The following KCNH5 variants were observed in gnomAD, a reference collection of about 807,000 sequenced individuals.
KCNH5 encodes the protein potassium voltage-gated channel subfamily H member 5.
A neutral mutation model predicts 96.1 loss-of-function variants in KCNH5; 46 were observed. The ratio of observed to expected loss-of-function variants is 0.48; its 90% CI spans 0.38 to 0.61. The LOEUF (loss-of-function observed/expected upper bound fraction) is 0.61. Among genes scored for constraint, KCNH5 ranks in the 20% least tolerant of loss-of-function variants. The probability of loss-of-function intolerance (pLI) is 0.00; values close to 1 mark genes in which losing one functional copy is unlikely to be tolerated. For synonymous variants in KCNH5, 439 were observed against 449.8 expected, an observed-to-expected ratio of 0.98 and a Z score of 0.30; for missense variants, 907 against 1,225.8, an observed-to-expected ratio of 0.74 and a Z score of 3.88.
rs564081069 is a variant in KCNH5, at chr14:62,856,164, G to C, written c.1370-6312C>G. Among the ~76,000 whole-genome samples the C allele has an allele frequency of 2.6e-5, 4 of 152,148 alleles. No homozygotes were observed. In the South Asian group the frequency reaches 8.3e-4, roughly 32 times the overall value. ...TGTTAAGCTAATTAACTGTAACCTG[G>C]CCTTCACTCTTATAAATTGCTCATG... On this transcript the variant is annotated intron_variant, in intron 7 of 10. Transcript: ENST00000322893.
intron 4 of KCNH5, among the ~76,000 whole-genome samples, chr14:62,992,297 G>C (rs1890824371): frequency 6.6e-6 from 1 of 151,978 alleles, no homozygotes; most frequent in Non-Finnish European, 1.5e-5. Context: ...TATGAGTGCA[G>C]GTATCTTTTT....
intron 8 of KCNH5, among the ~76,000 whole-genome samples, chr14:62,817,870 C>T (rs1887024783): frequency 8.0e-6 from 1 of 124,972 alleles, no homozygotes; most frequent in Admixed American, 8.7e-5. Flanking sequence ...CATACATATA[C>T]ATATAATAGC....
intron 1 of KCNH5, among the ~76,000 whole-genome samples, chr14:63,036,562 G>A (rs1891725799): frequency 6.6e-6 from 1 of 151,918 alleles, no homozygotes; most frequent in African/African-American, 2.4e-5. Flanking sequence ...CCTACACTGA[G>A]TTTTAGATGA....
At chr14:62,768,152 A>G (rs567273204) in intron 10 of KCNH5, among the ~76,000 whole-genome samples, 12 of 152,272 alleles carry the variant, frequency 7.9e-5, no homozygotes, top group African/African-American at 2.9e-4. Flanking sequence ...CCCAGACTTT[A>G]CCACTAAGCC....
rs183496080 is a variant in KCNH5 at position 63,031,668 on chromosome 14, T to C, written c.73+13446A>G. On this transcript the variant is annotated intron_variant, in intron 1 of 10. Coordinates refer to ENST00000322893, the MANE Select transcript of KCNH5 (RefSeq NM_139318.5). ...AGGATAAATAAGTCTAGGGATCTAA[T>C]GCACAACATGAGGACTACAGTTACT... Among the ~76,000 whole-genome samples, 559 of 152,304 alleles carry C rather than the reference T, an allele frequency of 3.7e-3. 7 individuals are homozygous for C. Among genetic ancestry groups the C allele is most frequent in the Non-Finnish European group, 6.0e-3 (407 of 68,026 alleles).
At chr14:63,033,581 C>T (rs751977746) in intron 1 of KCNH5, among the ~76,000 whole-genome samples, 3 of 152,158 alleles carry the variant, frequency 2.0e-5, no homozygotes, top group African/African-American at 4.8e-5. Context: ...GCTTGGTGAA[C>T]GCCTGCCTCC....
chr14:62,809,870 G>T (rs552368140), intron 8 of KCNH5, among the ~76,000 whole-genome samples: 1 of 152,014 alleles, frequency 6.6e-6, no homozygotes, highest in Non-Finnish European at 1.5e-5. Context: ...GCTCATTCCT[G>T]TGAACCAACC....
At chr14:62,861,146 G>C (rs1053359711) in intron 7 of KCNH5, among the ~76,000 whole-genome samples, 1 of 152,206 alleles carries the variant, frequency 6.6e-6, no homozygotes, top group African/African-American at 2.4e-5. Context: ...AGCTGGACAA[G>C]GGTCAACACC....
intron 7 of KCNH5, among the ~76,000 whole-genome samples, chr14:62,873,322 A>G (rs769448241): frequency 1.3e-5 from 2 of 152,224 alleles, no homozygotes; most frequent in African/African-American, 4.8e-5. Flanking sequence ...AAAATAGAGG[A>G]TACATGAAGG....
At chr14:63,035,269 T>A (rs1207616006) in intron 1 of KCNH5, among the ~76,000 whole-genome samples, 2 of 152,234 alleles carry the variant, frequency 1.3e-5, no homozygotes, top group African/African-American at 4.8e-5. Context: ...AGTTACCCTT[T>A]AATGGCAATT....
At chr14:62,926,817 A>G (rs560948568) in intron 7 of KCNH5, among the ~76,000 whole-genome samples, 1 of 152,200 alleles carries the variant, frequency 6.6e-6, no homozygotes, top group South Asian at 2.1e-4. Context: ...TTGGGATTTA[A>G]CACATGAAAT....
intron 7 of KCNH5, among the ~76,000 whole-genome samples, chr14:62,924,608 A>G (rs1020520726): frequency 1.3e-4 from 19 of 151,994 alleles, no homozygotes; most frequent in African/African-American, 4.3e-4. Context: ...GAAAATGTCT[A>G]TATATTTTTA....
At chr14:62,876,786 A>G (rs1888382453) in intron 7 of KCNH5, among the ~76,000 whole-genome samples, 1 of 152,214 alleles carries the variant, frequency 6.6e-6, no homozygotes. Context: ...TGTTTGGTCA[A>G]TTGATTTTGC....
rs1443890145 is a variant in KCNH5, at chr14:62,814,806, A to G, written c.1570-12225T>C. 2.7e-5 allele frequency among the ~76,000 whole-genome samples: 4 copies of G among 148,132 alleles called. No individual in the cohort carries two copies. In the East Asian group the frequency reaches 7.8e-4, roughly 29 times the overall value. ...TCAAAAAAAAAAAAAAAAAAAAAAA[A>G]AAAAAGAATGAGTCACTTCATACGA... On this transcript the variant is annotated intron_variant, in intron 8 of 10. Transcript: ENST00000322893.
chr14:62,744,189 G>C (rs28491761), intron 10 of KCNH5, among the ~76,000 whole-genome samples: 2 of 151,994 alleles, frequency 1.3e-5, no homozygotes, highest in South Asian at 2.1e-4. Flanking sequence ...TTATATATAA[G>C]AGAAAAATTA....
At chr14:62,800,186 C>T (rs911391330) in intron 9 of KCNH5, among the ~76,000 whole-genome samples, 3 of 151,832 alleles carry the variant, frequency 2.0e-5, no homozygotes, top group East Asian at 1.9e-4. Flanking sequence ...GAGAGTTGTC[C>T]GTATAATTTG....
chr14:63,020,017 A>G (rs1479745296), intron 1 of KCNH5, among the ~76,000 whole-genome samples: 1 of 152,152 alleles, frequency 6.6e-6, no homozygotes, highest in Non-Finnish European at 1.5e-5. Flanking sequence ...AAGTAACTTA[A>G]ACAGACATTT....
chr14:62,802,807 T>C (rs1205428894), intron 8 of KCNH5, among the ~76,000 whole-genome samples: 1 of 152,118 alleles, frequency 6.6e-6, no homozygotes, highest in Admixed American at 6.6e-5. Flanking sequence ...AATGCAGAAC[T>C]ATGTAGTAAA....
chr14:62,925,873 C>T lies in KCNH5; in HGVS notation c.1369+24260G>A, dbSNP rs533695877. Among the ~76,000 whole-genome samples, 7 of 152,132 alleles carry T rather than the reference C, an allele frequency of 4.6e-5. No homozygotes were observed. In the South Asian group the frequency reaches 6.2e-4, roughly 14 times the overall value. The stretch of plus-strand genomic sequence containing the variant: ...AAATTAAAGAAGAAAGAAATTCCCA[C>T]ATTAAGAAAAACACGACTTGGAAAA... On this transcript the variant is annotated intron_variant, in intron 7 of 10. Coordinates refer to ENST00000322893, the MANE Select transcript of KCNH5 (RefSeq NM_139318.5).
Sources: gnomAD v4.1 joint callset for allele counts (sites outside exome capture counted in the v4.1 genomes callset) on GRCh38, gnomAD v4.1.1 for gene constraint, MANE v1.5 for transcripts, NCBI Gene and HGNC (gene_info 2026-07-23, HGNC 2026-07-21) for gene names.